KNTC1: variants seen among roughly 807,000 people sequenced by gnomAD.
KNTC1 encodes the protein kinetochore-associated protein 1.
In KNTC1, 253 loss-of-function variants were observed where a neutral mutation model predicts 314.4. That is an observed-to-expected ratio of 0.80 (90% confidence interval 0.73 to 0.89). The LOEUF (loss-of-function observed/expected upper bound fraction) is 0.89, where lower values mean the gene tolerates loss of function less well. Ranked by LOEUF, KNTC1 falls within the 40% of genes least tolerant of loss-of-function variation. The pLI, the probability that KNTC1 is intolerant of heterozygous loss-of-function variation, is 0.00. For missense variants in KNTC1, 2,475 were observed against 2,572.9 expected, an observed-to-expected ratio of 0.96 and a Z score of 0.82; for synonymous variants, 901 against 901.4, an observed-to-expected ratio of 1.00 and a Z score of 0.01.
chr12:122,529,942 TGTGA>T, intron 1 of KNTC1, 45 bp from the exon 2 acceptor site: 2 of 1,082,794 alleles, frequency 1.8e-6, no homozygotes, highest in South Asian at 3.6e-5. Context: ...GTTTTTGTTT[TGTGA>T]GTAAGCTTTA....
intron 2 of KNTC1, among the ~76,000 whole-genome samples, chr12:122,533,564 G>A (rs61956124): frequency 6.6e-6 from 1 of 152,124 alleles, no homozygotes; most frequent in African/African-American, 2.4e-5. Flanking sequence ...AGGTGTGATG[G>A]TGTGCATGTG....
At chr12:122,625,927 C>T (rs138092669) in intron 63 of KNTC1, among the ~76,000 whole-genome samples, 7 of 152,258 alleles carry the variant, frequency 4.6e-5, no homozygotes, top group African/African-American at 1.7e-4. Flanking sequence ...TTAGAATGAG[C>T]CCGCATTTTG....
chr12:122,539,640 GT>G, intron 4 of KNTC1, 35 bp from the exon 5 acceptor site: 1 of 1,365,178 alleles, frequency 7.3e-7, no homozygotes, highest in Non-Finnish European at 1.0e-6. Context: ...ATTTTTCTAT[GT>G]TTAATTTTAT....
chr12:122,564,766 C>G (rs1964194006), intron 20 of KNTC1, among the ~76,000 whole-genome samples: 1 of 152,200 alleles, frequency 6.6e-6, no homozygotes, highest in African/African-American at 2.4e-5. Context: ...GGTACCACGC[C>G]CAGTGCTCAT....
rs1447200161 is a variant in KNTC1 at position 122,584,860 on chromosome 12, T to C, written c.3437-33T>C. On this transcript the variant is annotated intron_variant, in intron 35 of 63. Transcript: ENST00000333479. The stretch of plus-strand genomic sequence containing the variant: ...TTCATTATCCTAAAGACATGAAATA[T>C]GAGTTTAATGATTTTTCTCCATTTT... 6 of 1,060,476 alleles carry C rather than the reference T, an allele frequency of 5.7e-6. No homozygotes were observed. In the African/African-American group the frequency reaches 9.5e-5, roughly 17 times the overall value. 65.7% of individuals were successfully genotyped at this position (1,060,476 alleles called of 1,614,324 possible).
At chr12:122,573,095 G>A (rs1385726627) in intron 25 of KNTC1, 39 bp downstream of exon 25, 3 of 1,613,536 alleles carry the variant, frequency 1.9e-6, no homozygotes, top group East Asian at 4.5e-5. Context: ...TGTATATCAA[G>A]TTATGGGTAG....
At position 122,602,060 on chromosome 12, in the gene KNTC1, G is replaced by A. The variant is rs561964074; in HGVS notation, c.4653+435G>A. 2.6e-5 allele frequency: 4 copies of A among 152,072 alleles called. 1 individual carries two copies. The South Asian group carries it at 8.3e-4, about 32-fold the overall frequency. 9.4% of individuals were successfully genotyped at this position (152,072 alleles called of 1,614,324 possible). ...ACTTCTTCATCGTTTCTGAATTTTG[G>A]TCATAGTGGCTTTTATACTTTTTAA... is the stretch of plus-strand genomic sequence containing the variant. On this transcript the variant is annotated intron_variant, in intron 45 of 63. Coordinates refer to ENST00000333479, the MANE Select transcript of KNTC1 (RefSeq NM_014708.6).
At chr12:122,545,174 T>C (rs1188200235) in intron 8 of KNTC1, among the ~76,000 whole-genome samples, 2 of 152,244 alleles carry the variant, frequency 1.3e-5, no homozygotes, top group Non-Finnish European at 2.9e-5. Flanking sequence ...CCTAATGTTA[T>C]ATTCAAAGAA....
chr12:122,551,843 G>A, intron 16 of KNTC1, 147 bp downstream of exon 16: 3 of 675,032 alleles, frequency 4.4e-6, no homozygotes, highest in Non-Finnish European at 7.7e-6. Context: ...GAGATTCAGA[G>A]GAAAGAGTGA....
intron 27 of KNTC1, among the ~76,000 whole-genome samples, 179 bp from the exon 28 acceptor site, chr12:122,575,364 T>C (rs1314542008): frequency 6.6e-6 from 1 of 152,242 alleles, no homozygotes; most frequent in African/African-American, 2.4e-5. Context: ...TTTTTCTGAA[T>C]AGTCAAATTG....
chr12:122,612,935 C>T (rs1873333428), intron 53 of KNTC1, 177 bp from the exon 54 acceptor site: 1 of 568,886 alleles, frequency 1.8e-6, no homozygotes, highest in Non-Finnish European at 3.1e-6. Context: ...AATGCCCCTT[C>T]AGGGGTCCAT....
chr12:122,601,364 C>A lies in KNTC1; in HGVS notation c.4564-172C>A, dbSNP rs151065846. Reference sequence around the variant, plus strand: ...CCTCCCAAAGTGCTAGGATTACAGGCGTGAGCCACCGTGCCCGGCCGATTG... The same window carrying A: ...CCTCCCAAAGTGCTAGGATTACAGGAGTGAGCCACCGTGCCCGGCCGATTG... On this transcript the variant is annotated intron_variant, in intron 44 of 63. Coordinates refer to ENST00000333479, the MANE Select transcript of KNTC1 (RefSeq NM_014708.6). Among the ~76,000 whole-genome samples, 5 of 152,270 alleles carry A rather than the reference C, an allele frequency of 3.3e-5. No individual in the cohort carries two copies. In the South Asian group the frequency reaches 8.3e-4, roughly 25 times the overall value.
chr12:122,582,199 T>TTGAGCTCA (rs1868505626), intron 33 of KNTC1, among the ~76,000 whole-genome samples: 1 of 152,128 alleles, frequency 6.6e-6, no homozygotes, highest in Non-Finnish European at 1.5e-5. Context: ...AGAGGATCAC[T>TTGAGCTCA]TGAGCTCATG....
In KNTC1 at chr12:122,620,264, A is replaced by G. The variant is rs1253728941; in HGVS notation, c.6150-215A>G. ...TTCAGACATAATCATGATAGCAAAC[A>G]GTAGTCCGTGTTCCCATGGGTAAAT... On this transcript the variant is annotated intron_variant, in intron 59 of 63. Coordinates refer to ENST00000333479, the MANE Select transcript of KNTC1 (RefSeq NM_014708.6). 1.8e-5 allele frequency: 6 copies of G among 337,818 alleles called. No homozygotes were observed. The South Asian group carries it at 3.6e-4, about 21-fold the overall frequency. 20.9% of individuals were successfully genotyped at this position (337,818 alleles called of 1,614,324 possible). A position where few individuals can be genotyped will look rare whatever the true frequency, so the allele number is the denominator to read the frequency against.
chr12:122,602,565 A>G lies in KNTC1; in HGVS notation c.4654-4A>G, dbSNP rs1435219115. ...CTGGACAAAAGTTTTTTATTTTAAT[A>G]TAGGCATTGAGTATTCTGAAACATT... is the stretch of plus-strand genomic sequence containing the variant. On this transcript the variant is annotated splice_region_variant and splice_polypyrimidine_tract_variant and intron_variant, in intron 45 of 63. Coordinates refer to ENST00000333479, the MANE Select transcript of KNTC1 (RefSeq NM_014708.6). 10 of 1,586,990 alleles carry G rather than the reference A, an allele frequency of 6.3e-6. No homozygotes were observed. Among genetic ancestry groups the G allele is most frequent in the African/African-American group, 1.4e-5 (1 of 73,958 alleles).
At chr12:122,557,912 G>A (rs1404052566) in intron 18 of KNTC1, among the ~76,000 whole-genome samples, 2 of 152,124 alleles carry the variant, frequency 1.3e-5, no homozygotes, top group African/African-American at 4.8e-5. Flanking sequence ...AGTTGTGCAA[G>A]CATCATTATT....
intron 57 of KNTC1, among the ~76,000 whole-genome samples, chr12:122,616,198 C>G (rs1566019542): frequency 6.6e-6 from 1 of 151,872 alleles, no homozygotes; most frequent in Non-Finnish European, 1.5e-5. Context: ...CCCCCTTACT[C>G]TTTCCCTTCA....
chr12:122,547,860 G>A (rs962448112), intron 11 of KNTC1, 55 bp from the exon 12 acceptor site: 33 of 1,026,632 alleles, frequency 3.2e-5, no homozygotes, highest in Non-Finnish European at 4.4e-5. Context: ...AATATTGTAT[G>A]TTTTTGTTGT....
intron 44 of KNTC1, among the ~76,000 whole-genome samples, chr12:122,600,452 G>A (rs1165718006): frequency 2.0e-5 from 3 of 152,032 alleles, no homozygotes; most frequent in African/African-American, 7.2e-5. Flanking sequence ...ATTAATTCTT[G>A]CACTATAGTA....
Sources: gnomAD v4.1 joint callset for allele counts (sites outside exome capture counted in the v4.1 genomes callset) on GRCh38, gnomAD v4.1.1 for gene constraint, MANE v1.5 for transcripts, NCBI Gene and HGNC (gene_info 2026-07-23, HGNC 2026-07-21) for gene names.